ATP2B2: variants seen among roughly 807,000 people sequenced by gnomAD.
The protein encoded by ATP2B2 is ATPase plasma membrane Ca2+ transporting 2, also known as plasma membrane calcium-transporting ATPase 2.
Under a neutral mutation model 120.0 loss-of-function variants are expected in ATP2B2, and 15 were observed. That is an observed-to-expected ratio of 0.12 (90% CI 0.08 to 0.19). The LOEUF is 0.19. Ranked by LOEUF, ATP2B2 falls within the 10% of genes least tolerant of loss-of-function variation. ATP2B2 has a pLI of 1.00. For missense variants in ATP2B2, 1,045 were observed against 1,719.8 expected, an observed-to-expected ratio of 0.61 and a Z score of 6.94; for synonymous variants, 694 against 700.3, an observed-to-expected ratio of 0.99 and a Z score of 0.14.
At chr3:10,531,463 T>C (rs2067208463) in intron 3 of ATP2B2, among the ~76,000 whole-genome samples, 2 of 152,214 alleles carry the variant, frequency 1.3e-5, no homozygotes, top group South Asian at 4.1e-4. Context: ...TCTTCCTTTG[T>C]ACAATGGGGA....
chr3:10,357,826 C>T (rs532336379), intron 14 of ATP2B2, among the ~76,000 whole-genome samples: 46 of 152,322 alleles, frequency 3.0e-4, no homozygotes, highest in African/African-American at 8.9e-4. Context: ...TGCCATGCAC[C>T]GTTTTGGAGA....
chr3:10,342,867 C>T lies in ATP2B2; in HGVS notation c.2802G>A (p.Leu934=). The T allele has an allele frequency of 6.2e-7, 1 of 1,614,148 alleles. No homozygotes were observed. Among genetic ancestry groups the T allele is most frequent in the Non-Finnish European group, 8.5e-7 (1 of 1,180,014 alleles). ...TGCGGCCGTACGGCTTCCTCAGCAGCAGGGTCTCCGTGGGCGGCTCAGTGG... is the reference window on the plus strand; with the variant it reads ...TGCGGCCGTACGGCTTCCTCAGCAGTAGGGTCTCCGTGGGCGGCTCAGTGG... ...ALATEPPTET[L]LLRKPYGRNK... Residue 934 remains leucine, a synonymous_variant, in exon 19 of 23, where the codon CTG becomes CTA. Transcript: ENST00000360273. The surrounding 1 kb of genome is among the most constrained non-coding windows in gnomAD (Gnocchi z 4.4).
chr3:10,654,686 G>T (rs559240067), intron 1 of ATP2B2, among the ~76,000 whole-genome samples: 1 of 152,118 alleles, frequency 6.6e-6, no homozygotes, highest in South Asian at 2.1e-4. Context: ...AGTGGTAACA[G>T]GAGTGCTTGG....
chr3:10,545,849 GT>G (rs1378961664), intron 2 of ATP2B2, among the ~76,000 whole-genome samples: 1 of 152,084 alleles, frequency 6.6e-6, no homozygotes, highest in Non-Finnish European at 1.5e-5. Flanking sequence ...CAAAAAACAT[GT>G]TTTCAAGTAA....
chr3:10,616,360 C>T (rs1017682208), intron 2 of ATP2B2, among the ~76,000 whole-genome samples: 1 of 152,180 alleles, frequency 6.6e-6, no homozygotes, highest in Non-Finnish European at 1.5e-5. Context: ...AGTCAGCTGT[C>T]TAGGAGCCAA....
In ATP2B2 at chr3:10,449,637, C is replaced by A; in HGVS notation, c.-94G>T. The stretch of plus-strand genomic sequence containing the variant: ...CTGCTTGTGGCTGTCCTCAGCACAC[C>A]CTCACTGGTCAGCTGTGGCACCAGG... On this transcript the variant is annotated 5_prime_UTR_variant, in exon 2 of 23. Transcript: ENST00000360273. 2.0e-6 allele frequency: 3 copies of A among 1,492,724 alleles called. No homozygotes were observed. The highest frequency in any genetic ancestry group is 2.8e-6 in the Non-Finnish European group (3 of 1,075,164). 92.5% of individuals were successfully genotyped at this position (1,492,724 alleles called of 1,614,324 possible).
chr3:10,492,830 C>T (rs1335359098), intron 1 of ATP2B2, among the ~76,000 whole-genome samples: 4 of 152,146 alleles, frequency 2.6e-5, no homozygotes, highest in Non-Finnish European at 5.9e-5. Context: ...ACTGGTGTCC[C>T]TTTCACAGCT....
At chr3:10,543,385 C>A (rs1575479046) in intron 2 of ATP2B2, among the ~76,000 whole-genome samples, 1 of 152,164 alleles carries the variant, frequency 6.6e-6, no homozygotes, top group South Asian at 2.1e-4. Context: ...TAAAATACTC[C>A]TCCTTTTTCC....
intron 1 of ATP2B2, among the ~76,000 whole-genome samples, chr3:10,499,126 A>T (rs7644121): frequency 0.55 from 83,168 of 152,146 alleles, 23,931 homozygotes; most frequent in African/African-American, 0.73. Context: ...CTGATGCCAC[A>T]AAGGAGGCCA....
At chr3:10,506,125 A>AG (rs1257882123), upstream of ATP2B2, among the ~76,000 whole-genome samples, 1 of 152,066 alleles carries the variant, frequency 6.6e-6, no homozygotes, top group Non-Finnish European at 1.5e-5. Context: ...TGGGGGGCAA[A>AG]GGGGCAAAGG....
Position 10,338,315 on chromosome 3 carries a change from T to C in ATP2B2, c.3281A>G (p.Glu1094Gly). ...CTCCTTCTGTGTGAGCCTGCCTGCC[T>C]CCTTGAGGAACTTGAGTCTGCTGGT... ...IPTSRLKFLK[E>G]AGRLTQKEEI... is the part of the protein sequence containing the mutation. Residue 1094 changes from glutamate to glycine, a missense_variant, in exon 22 of 23, where the codon GAG becomes GGG. Physicochemically the swap from Glu to Gly is moderately conservative, Grantham distance 98. Transcript: ENST00000360273. 6.2e-7 allele frequency: 1 copy of C among 1,614,166 alleles called. No individual in the cohort carries two copies. Among genetic ancestry groups the C allele is most frequent in the Non-Finnish European group, 8.5e-7 (1 of 1,180,026 alleles).
At chr3:10,692,762 G>A (rs2071687172) in intron 1 of ATP2B2, among the ~76,000 whole-genome samples, 1 of 152,182 alleles carries the variant, frequency 6.6e-6, no homozygotes, top group African/African-American at 2.4e-5. Flanking sequence ...CTGGTTCACA[G>A]CGATATGCCC....
intron 1 of ATP2B2, among the ~76,000 whole-genome samples, chr3:10,639,788 A>G (rs573654821): frequency 6.6e-6 from 1 of 152,262 alleles, no homozygotes; most frequent in East Asian, 1.9e-4. Flanking sequence ...GGGGGTGAGG[A>G]AGAAATGCCT....
At chr3:10,601,897 A>C (rs2068932799) in intron 2 of ATP2B2, among the ~76,000 whole-genome samples, 1 of 151,994 alleles carries the variant, frequency 6.6e-6, no homozygotes, top group African/African-American at 2.4e-5. Flanking sequence ...CCTCTTTCTT[A>C]TTTGTCTTCA....
At chr3:10,508,933 G>C (rs1325277316), upstream of ATP2B2, among the ~76,000 whole-genome samples, 5 of 152,218 alleles carry the variant, frequency 3.3e-5, no homozygotes, top group Non-Finnish European at 7.3e-5. Flanking sequence ...GTTAGGGAAA[G>C]GTATGAGACA....
chr3:10,373,110 T>C (rs2061288933), intron 11 of ATP2B2, among the ~76,000 whole-genome samples: 1 of 152,260 alleles, frequency 6.6e-6, no homozygotes, highest in Non-Finnish European at 1.5e-5. Context: ...ATAGTAATAA[T>C]AAACGCACGT....
Position 10,534,046 on chromosome 3 carries a change from C to T in ATP2B2, c.-327G>A, listed in dbSNP as rs137866837. On this transcript the variant is annotated 5_prime_UTR_variant, in exon 3 of 22. Coordinates refer to the ATP2B2 transcript ENST00000646379. Reference sequence around the variant, plus strand: ...CCCCCGTCTCCAACTCACCCCTCCACGTCTTCTGGTTAAATGAGAGGTGTC... The same window carrying T: ...CCCCCGTCTCCAACTCACCCCTCCATGTCTTCTGGTTAAATGAGAGGTGTC... 322 of 152,348 alleles carry T rather than the reference C, an allele frequency of 2.1e-3. 1 individual carries two copies. Among genetic ancestry groups the T allele is most frequent in the Non-Finnish European group, 3.5e-3 (235 of 68,066 alleles). 9.4% of individuals were successfully genotyped at this position (152,348 alleles called of 1,614,324 possible).
At chr3:10,537,616 A>C (rs764079052) in intron 2 of ATP2B2, among the ~76,000 whole-genome samples, 17 of 152,160 alleles carry the variant, frequency 1.1e-4, no homozygotes, top group Non-Finnish European at 2.2e-4. Flanking sequence ...TATGTAGACA[A>C]TCAAGTCATC....
intron 22 of ATP2B2, among the ~76,000 whole-genome samples, chr3:10,337,779 G>C (rs1210061957): frequency 1.3e-5 from 2 of 152,084 alleles, no homozygotes; most frequent in Non-Finnish European, 1.5e-5. Context: ...GACCCTGGGC[G>C]ACCTGGCCTG....
Sources: gnomAD v4.1 joint callset for allele counts (sites outside exome capture counted in the v4.1 genomes callset) on GRCh38, gnomAD v4.1.1 for gene constraint, Gnocchi (gnomAD v3.1) non-coding constraint, MANE v1.5 for transcripts, NCBI Gene and HGNC (gene_info 2026-07-23, HGNC 2026-07-21) for gene names.